The following MUC12 variants were observed in gnomAD, a reference collection of about 807,000 sequenced individuals.
MUC12 encodes the protein mucin-12.
MUC12 carries 172 observed loss-of-function variants against 230.8 expected under a neutral mutation model. That is an observed-to-expected ratio of 0.75 (90% CI 0.66 to 0.85). The LOEUF (loss-of-function observed/expected upper bound fraction) is 0.85. Ranked by LOEUF, MUC12 falls within the 40% of genes least tolerant of loss-of-function variation. MUC12 has a pLI of 0.00. For missense variants in MUC12, 3,506 were observed against 5,920.6 expected, an observed-to-expected ratio of 0.59 and a Z score of 13.38; for synonymous variants, 1,259 against 2,401.9, an observed-to-expected ratio of 0.52 and a Z score of 13.91.
intron 1 of MUC12, among the ~76,000 whole-genome samples, chr7:100,985,717 C>T (rs982123902): frequency 1.3e-5 from 2 of 152,104 alleles, no homozygotes; most frequent in African/African-American, 2.4e-5. Context: ...GGCAGGGTGG[C>T]TGAGGATTGT....
In MUC12 at chr7:101,005,084, A is replaced by G. The variant is rs903913653; in HGVS notation, c.14521A>G (p.Thr4841Ala). 4.6e-6 allele frequency: 7 copies of G among 1,537,890 alleles called. No individual in the cohort carries two copies. Among genetic ancestry groups the G allele is most frequent in the Non-Finnish European group, 6.1e-6 (7 of 1,147,056 alleles). The change falls in exon 2 of 12, where the codon ACC (threonine) becomes GCC (alanine). Residue 4841 changes from threonine (T) to alanine (A), a missense_variant. Coordinates refer to ENST00000536621, the MANE Select transcript of MUC12 (RefSeq NM_001164462.2). ...TCTGTCAACAGTGTCACCTGCCAGC[A>G]CCACAGTGCCAGGCCTTAGTGAGGA... ...SALSTVSPAS[T>A]TVPGLSEEST...
At chr7:100,980,169 G>A (rs554441527) in intron 1 of MUC12, among the ~76,000 whole-genome samples, 2 of 152,026 alleles carry the variant, frequency 1.3e-5, no homozygotes, top group Admixed American at 6.6e-5. Flanking sequence ...TCAGCCTCCC[G>A]AGTAGCTGGG....
Position 100,979,709 on chromosome 7 carries a change from G to A in MUC12, c.67+10020G>A, listed in dbSNP as rs191624844. Among the ~76,000 whole-genome samples, 1,347 of 152,210 alleles carry A rather than the reference G, an allele frequency of 8.8e-3. 17 individuals are homozygous for A. Among genetic ancestry groups the A allele is most frequent in the Middle Eastern group, 0.058 (17 of 294 alleles). ...GAGAATCGCTTGAACCTGGGAGACAGAGGTTGCAGTGAGCCAAGATCACGC... is the reference window on the plus strand; with the variant it reads ...GAGAATCGCTTGAACCTGGGAGACAAAGGTTGCAGTGAGCCAAGATCACGC... On this transcript the variant is annotated intron_variant, in intron 1 of 11. Transcript: ENST00000536621.
chr7:100,972,406 G>A (rs535449733), intron 1 of MUC12, among the ~76,000 whole-genome samples: 57 of 148,180 alleles, frequency 3.8e-4, no homozygotes, highest in African/African-American at 1.2e-3. Context: ...CCCCTCTAGA[G>A]GAACCCAGTT....
Position 101,005,173 on chromosome 7 carries a change from A to G in MUC12, c.14610A>G (p.Thr4870=). Reference sequence around the variant, plus strand: ...CCACAGCGTTTTCTCACAGCAACACAATGTCCATTCATAGTCAACAATCTA... The same window carrying G: ...CCACAGCGTTTTCTCACAGCAACACGATGTCCATTCATAGTCAACAATCTA... ...TETTAFSHSN[T]MSIHSQQSTP... Residue 4870 remains threonine (T), a synonymous_variant, in exon 2 of 12, where the codon ACA becomes ACG. Coordinates refer to ENST00000536621, the MANE Select transcript of MUC12 (RefSeq NM_001164462.2). 6.5e-7 allele frequency: 1 copy of G among 1,537,804 alleles called. No individual in the cohort carries two copies. The highest frequency in any genetic ancestry group is 8.7e-7 in the Non-Finnish European group (1 of 1,147,032).
chr7:100,990,932 G>A lies in MUC12; in HGVS notation c.369G>A (p.Ala123=), dbSNP rs763223319. 7.0e-5 allele frequency: 108 copies of A among 1,537,820 alleles called. No individual in the cohort carries two copies. Among genetic ancestry groups the A allele is most frequent in the Middle Eastern group, 5.0e-4 (3 of 5,996 alleles). ...PITSASMETT[A]LPGSTTTAGL... is the part of the protein sequence containing the mutation. ...CTTCAGCCTCAATGGAAACAACAGC[G>A]TTACCTGGCAGTACCACAACAGCAG... is the stretch of plus-strand genomic sequence containing the variant. The change falls in exon 2 of 12, where the codon GCG becomes GCA. Residue 123 remains alanine, a synonymous_variant. Transcript: ENST00000536621.
chr7:100,992,220 C>G lies in MUC12; in HGVS notation c.1657C>G (p.His553Asp). Residue 553 changes from histidine to aspartate, a missense_variant, in exon 2 of 12, where the codon CAC becomes GAC. Transcript: ENST00000536621. ...PGLSQESTAS[H>D]SSPGPTDTTL... is the part of the protein sequence containing the mutation. ...CCTCAGTCAGGAATCTACAGCTTCC[C>G]ACAGCAGCCCAGGCCCCACAGACAC... 1 of 1,537,308 alleles carries G rather than the reference C, an allele frequency of 6.5e-7. No homozygotes were observed. Among genetic ancestry groups the G allele is most frequent in the Non-Finnish European group, 8.7e-7 (1 of 1,146,570 alleles).
At position 100,995,458 on chromosome 7, in the gene MUC12, C is replaced by G. The variant is rs765083101; in HGVS notation, c.4895C>G (p.Ser1632Cys). The G allele has an allele frequency of 2.8e-5, 42 of 1,526,722 alleles. No homozygotes were observed. In the South Asian group the frequency reaches 3.4e-4, roughly 12 times the overall value. 94.6% of individuals were successfully genotyped at this position (1,526,722 alleles called of 1,614,324 possible). A position where few individuals can be genotyped will look rare whatever the true frequency, so the allele number is the denominator to read the frequency against. Residue 1632 changes from serine to cysteine, a missense_variant, in exon 2 of 12, where the codon TCT becomes TGT. Transcript: ENST00000536621. ...ACAGCATCATCCCTTGGTCCAGAATCTACTACTTTCCACAGCAGCCCAGGC... is the reference window on the plus strand; with the variant it reads ...ACAGCATCATCCCTTGGTCCAGAATGTACTACTTTCCACAGCAGCCCAGGC... ...STTASSLGPE[S>C]TTFHSSPGST... is the part of the protein sequence containing the mutation.
intron 1 of MUC12, chr7:100,981,524 A>G (rs1046343045): frequency 1.3e-5 from 6 of 450,996 alleles, no homozygotes; most frequent in African/African-American, 2.0e-5. Context: ...GTGTCCTAGG[A>G]ACTGAATGTG....
chr7:100,991,205 A>G lies in MUC12; in HGVS notation c.642A>G (p.Pro214=). The G allele has an allele frequency of 6.5e-7, 1 of 1,537,024 alleles. No individual in the cohort carries two copies. Among genetic ancestry groups the G allele is most frequent in the Admixed American group, 2.0e-5 (1 of 50,936 alleles). ...CACTGTCCCCTGGCACTACCACACC[A>G]TCATCCCTTGGTCCAGAATCTACTA... The part of the protein sequence containing the change: ...DTTLSPGTTT[P]SSLGPESTTF... The change falls in exon 2 of 12, where the codon CCA becomes CCG. Residue 214 remains proline (P), a synonymous_variant. Coordinates refer to ENST00000536621, the MANE Select transcript of MUC12 (RefSeq NM_001164462.2).
In MUC12 at chr7:100,991,025, C is replaced by A; in HGVS notation, c.462C>A (p.Ala154=). ...PRSPDRTLSP[A]RTTSSGVSEK... ...CACCAGACAGAACACTCTCACCTGC[C>A]CGCACGACAAGCTCAGGCGTCAGTG... Residue 154 remains alanine, a synonymous_variant, in exon 2 of 12, where the codon GCC becomes GCA. Transcript: ENST00000536621. 1 of 1,537,920 alleles carries A rather than the reference C, an allele frequency of 6.5e-7. No homozygotes were observed. The highest frequency in any genetic ancestry group is 1.2e-5 in the South Asian group (1 of 84,060).
Position 101,005,528 on chromosome 7 carries a change from C to G in MUC12, c.14956+9C>G. 1.3e-6 allele frequency: 2 copies of G among 1,529,286 alleles called. No homozygotes were observed. The highest frequency in any genetic ancestry group is 1.8e-6 in the Non-Finnish European group (2 of 1,141,406). 94.7% of individuals were successfully genotyped at this position (1,529,286 alleles called of 1,614,324 possible). A position where few individuals can be genotyped will look rare whatever the true frequency, so the allele number is the denominator to read the frequency against. ...GGAAACCTTAGCACCAGGTACTGCT[C>G]TTTCCATTTCATCCACGTTTAGCTT... On this transcript the variant is annotated intron_variant, in intron 2 of 11. Transcript: ENST00000536621.
Position 101,017,590 on chromosome 7 carries a change from A to C in MUC12, c.15893A>C (p.Glu5298Ala). 6.5e-7 allele frequency: 1 copy of C among 1,535,446 alleles called. No individual in the cohort carries two copies. Among genetic ancestry groups the C allele is most frequent in the South Asian group, 1.2e-5 (1 of 84,000 alleles). ...TAIWEDQNLRESRFGLENAYN... is the reference protein window; with the variant it reads ...TAIWEDQNLRASRFGLENAYN... ...CTCCCTACAGACCAGAATCTGAGGGAGAGCAGATTCGGCCTTGAGAACGCC... is the reference window on the plus strand; with the variant it reads ...CTCCCTACAGACCAGAATCTGAGGGCGAGCAGATTCGGCCTTGAGAACGCC... The change falls in exon 11 of 12, where the codon GAG becomes GCG. Residue 5298 changes from glutamate to alanine, a missense_variant. By Grantham distance (107) the Glu-to-Ala change is moderately radical. Coordinates refer to ENST00000536621, the MANE Select transcript of MUC12 (RefSeq NM_001164462.2).
In MUC12 at chr7:101,005,077, T is replaced by C; in HGVS notation, c.14514T>C (p.Pro4838=). 5 of 1,537,946 alleles carry C rather than the reference T, an allele frequency of 3.3e-6. No homozygotes were observed. The highest frequency in any genetic ancestry group is 4.4e-6 in the Non-Finnish European group (5 of 1,147,070). The change falls in exon 2 of 12, where the codon CCT becomes CCC. Residue 4838 remains proline (P), a synonymous_variant. Coordinates refer to ENST00000536621, the MANE Select transcript of MUC12 (RefSeq NM_001164462.2). ...QPGSALSTVS[P]ASTTVPGLSE... ...GCTCAGCTCTGTCAACAGTGTCACCTGCCAGCACCACAGTGCCAGGCCTTA... is the reference window on the plus strand; with the variant it reads ...GCTCAGCTCTGTCAACAGTGTCACCCGCCAGCACCACAGTGCCAGGCCTTA...
rs2116344419 is a variant in MUC12 at position 101,005,052 on chromosome 7, G to A, written c.14489G>A (p.Gly4830Asp). ...QEFTTPHSQP[G>D]SALSTVSPAS... ...TTTACCACCCCTCATAGCCAACCAG[G>A]CTCAGCTCTGTCAACAGTGTCACCT... Residue 4830 changes from glycine to aspartate, a missense_variant, in exon 2 of 12, where the codon GGC becomes GAC. Coordinates refer to ENST00000536621, the MANE Select transcript of MUC12 (RefSeq NM_001164462.2). 6.5e-7 allele frequency: 1 copy of A among 1,537,712 alleles called. No individual in the cohort carries two copies. Among genetic ancestry groups the A allele is most frequent in the African/African-American group, 1.4e-5 (1 of 73,092 alleles).
rs749821689 is a variant in MUC12, at chr7:101,004,770, C to A, written c.14207C>A (p.Ala4736Glu). ...ASTATTPGLS[A>E]KSTILYSSSR... ...ACTGCCACAACACCAGGCCTCAGTG[C>A]AAAATCTACCATCCTTTACAGTAGC... The change falls in exon 2 of 12, where the codon GCA becomes GAA. Residue 4736 changes from alanine to glutamate, a missense_variant. By Grantham distance (107) the Ala-to-Glu change is moderately radical (BLOSUM62 -1). Coordinates refer to ENST00000536621, the MANE Select transcript of MUC12 (RefSeq NM_001164462.2). 7 of 1,537,134 alleles carry A rather than the reference C, an allele frequency of 4.6e-6. No individual in the cohort carries two copies. Among genetic ancestry groups the A allele is most frequent in the African/African-American group, 1.4e-5 (1 of 72,974 alleles).
intron 2 of MUC12, 66 bp downstream of exon 2, chr7:101,005,585 T>G: frequency 6.9e-7 from 1 of 1,450,392 alleles, no homozygotes; most frequent in Non-Finnish European, 9.2e-7. Flanking sequence ...GTCTTCTTCA[T>G]CCATTACAAC....
intron 1 of MUC12, among the ~76,000 whole-genome samples, chr7:100,971,957 G>T (rs1033645285): frequency 2.0e-5 from 3 of 152,306 alleles, no homozygotes; most frequent in Non-Finnish European, 1.5e-5. Flanking sequence ...GTGTGTCAAA[G>T]ATAACACAGG....
chr7:100,993,924 A>G lies in MUC12; in HGVS notation c.3361A>G (p.Thr1121Ala), dbSNP rs1793402272. The G allele has an allele frequency of 6.9e-7, 1 of 1,449,442 alleles. No homozygotes were observed. The highest frequency in any genetic ancestry group is 2.1e-5 in the Admixed American group (1 of 46,822). The allele number at this position is 1,449,442 out of a possible 1,614,324, so 89.8% of individuals were successfully genotyped here. The change falls in exon 2 of 12, where the codon ACA (threonine) becomes GCA (alanine). Residue 1121 changes from threonine to alanine, a missense_variant. By Grantham distance (58) the Thr-to-Ala change is moderately conservative. Transcript: ENST00000536621. The part of the protein sequence containing the change: ...PTTTLSPASM[T>A]SLGVGEESTT... ...CACAACACTCTCACCTGCCAGCATG[A>G]CAAGCCTGGGCGTCGGTGAAGAATC...
Sources: allele counts gnomAD v4.1 joint callset (sites outside exome capture counted in the v4.1 genomes callset), GRCh38; gene constraint gnomAD v4.1.1; transcripts MANE v1.5; gene names NCBI Gene and HGNC (gene_info 2026-07-23, HGNC 2026-07-21).